Variants in EFCAB5 observed in about 807,000 individuals in gnomAD.
EFCAB5 encodes EF-hand calcium-binding domain-containing protein 5.
Under a neutral mutation model 167.9 loss-of-function variants are expected in EFCAB5, and 131 were observed. That is an observed-to-expected ratio of 0.78 (90% CI 0.68 to 0.90). The LOEUF is 0.90. Among genes scored for constraint, EFCAB5 ranks in the 40% least tolerant of loss-of-function variants. The pLI, the probability that EFCAB5 is intolerant of heterozygous loss-of-function variation, is 0.00. For missense variants in EFCAB5, 1,663 were observed against 1,745.2 expected (o/e 0.95, Z 0.84); for synonymous variants, 574 against 602.8 (o/e 0.95, Z 0.70).
upstream of EFCAB5, among the ~76,000 whole-genome samples, chr17:29,940,971 C>T (rs1222554611): frequency 1.3e-5 from 2 of 151,272 alleles, no homozygotes; most frequent in African/African-American, 2.4e-5. Context: ...ACCCAGGAGG[C>T]GGAGGTTGCA....
In EFCAB5 at chr17:29,993,211, G is replaced by A; in HGVS notation, c.814G>A (p.Glu272Lys). Residue 272 changes from glutamate (E) to lysine (K), a missense_variant, in exon 5 of 23, where the codon GAA (glutamate) becomes AAA (lysine). Glu to Lys is a moderately conservative substitution (Grantham distance 56). Transcript: ENST00000394835. ...ENVKQNRKQR[E>K]SIDKIIVKVA... ...TGTTAAACAGAATAGAAAACAAAGAGAAAGCATAGACAAAATCATAGTCAA... is the reference window on the plus strand; with the variant it reads ...TGTTAAACAGAATAGAAAACAAAGAAAAAGCATAGACAAAATCATAGTCAA... 1.2e-6 allele frequency: 2 copies of A among 1,613,300 alleles called. No individual in the cohort carries two copies. The highest frequency in any genetic ancestry group is 1.7e-6 in the Non-Finnish European group (2 of 1,179,558).
At chr17:29,967,634 C>T (rs927874267) in intron 3 of EFCAB5, among the ~76,000 whole-genome samples, 1 of 152,118 alleles carries the variant, frequency 6.6e-6, no homozygotes, top group African/African-American at 2.4e-5. Context: ...CTGAAGGCCC[C>T]CTTCATGATT....
At chr17:30,070,565 T>C (rs2070705739) in intron 14 of EFCAB5, among the ~76,000 whole-genome samples, 1 of 152,110 alleles carries the variant, frequency 6.6e-6, no homozygotes, top group Non-Finnish European at 1.5e-5. Context: ...TCAACAAAGG[T>C]ACCAAGAACA....
At chr17:30,086,183 C>T (rs991615444) in intron 18 of EFCAB5, among the ~76,000 whole-genome samples, 2 of 151,918 alleles carry the variant, frequency 1.3e-5, no homozygotes, top group Non-Finnish European at 2.9e-5. Context: ...TTCATAAAAA[C>T]CCCTCTTTAC....
At position 29,970,651 on chromosome 17, in the gene EFCAB5, CACACACACACACACACAT is replaced by C. The variant is rs1270727339; in HGVS notation, c.767+1302_767+1319del. On this transcript the variant is annotated intron_variant, in intron 4 of 22. Transcript: ENST00000394835. Reference sequence around the variant, plus strand: ...TCTCAAAAACAGACACACACACACACACACACACACACACACATACACACACACACACACACACACACC... The same window carrying C: ...TCTCAAAAACAGACACACACACACACACACACACACACACACACACACACC... Among the ~76,000 whole-genome samples the C allele has an allele frequency of 1.1e-3, 164 of 145,244 alleles. 1 individual carries two copies. The highest frequency in any genetic ancestry group is 4.1e-3 in the African/African-American group (151 of 36,846).
chr17:30,019,835 T>G (rs2069132541), intron 7 of EFCAB5, among the ~76,000 whole-genome samples: 1 of 152,188 alleles, frequency 6.6e-6, no homozygotes, highest in Non-Finnish European at 1.5e-5. Context: ...GTGCTTTTGT[T>G]CTTCATCTAT....
intron 7 of EFCAB5, among the ~76,000 whole-genome samples, chr17:30,011,193 T>C (rs1409898305): frequency 6.6e-6 from 1 of 152,238 alleles, no homozygotes; most frequent in Non-Finnish European, 1.5e-5. Flanking sequence ...TACCATGCTG[T>C]TTTGCTTACT....
Position 30,087,050 on chromosome 17 carries a change from T to C in EFCAB5, c.3580-13T>C. On this transcript the variant is annotated splice_polypyrimidine_tract_variant and intron_variant, in intron 18 of 22. Coordinates refer to ENST00000394835, the MANE Select transcript of EFCAB5 (RefSeq NM_198529.4). ...TCTAATTACTCCTAATGAAATGCCT[T>C]CCTCTTTTCAAGGATTCAGACTATG... The C allele has an allele frequency of 6.2e-6, 10 of 1,611,856 alleles. No homozygotes were observed. Among genetic ancestry groups the C allele is most frequent in the Non-Finnish European group, 8.5e-6 (10 of 1,178,312 alleles).
At chr17:29,985,274 G>T (rs976999380) in intron 4 of EFCAB5, among the ~76,000 whole-genome samples, 1 of 152,322 alleles carries the variant, frequency 6.6e-6, no homozygotes, top group South Asian at 2.1e-4. Context: ...ACTTTGGCTA[G>T]ATAAAGGCAA....
chr17:29,988,825 GAAAAAGTCACTCTAC>G (rs976749129), intron 4 of EFCAB5, among the ~76,000 whole-genome samples: 1 of 152,164 alleles, frequency 6.6e-6, no homozygotes, highest in Non-Finnish European at 1.5e-5. Flanking sequence ...GTATGTGGAA[GAAAAAGTCACTCTAC>G]AAGATCTTGC....
At chr17:30,083,829 C>T (rs1485493408) in intron 18 of EFCAB5, among the ~76,000 whole-genome samples, 2 of 152,192 alleles carry the variant, frequency 1.3e-5, no homozygotes, top group Non-Finnish European at 2.9e-5. Context: ...GGGCAACACT[C>T]ACCAGAATCA....
intron 22 of EFCAB5, among the ~76,000 whole-genome samples, chr17:30,106,723 C>T (rs2071454092): frequency 6.6e-6 from 1 of 152,182 alleles, no homozygotes; most frequent in Non-Finnish European, 1.5e-5. Context: ...TCCCAATGTG[C>T]TGGGATTACA....
intron 1 of EFCAB5, among the ~76,000 whole-genome samples, chr17:29,931,573 A>C (rs2067195712): frequency 6.6e-6 from 1 of 152,154 alleles, no homozygotes; most frequent in Non-Finnish European, 1.5e-5. Context: ...GACAAAATTA[A>C]ACAAAGATGT....
At chr17:30,090,214 G>A (rs2071167754) in intron 19 of EFCAB5, among the ~76,000 whole-genome samples, 1 of 152,208 alleles carries the variant, frequency 6.6e-6, no homozygotes, top group African/African-American at 2.4e-5. Context: ...CTTCTCTGCC[G>A]AGGGGATGTT....
chr17:30,086,617 G>T (rs1249205476), intron 18 of EFCAB5, among the ~76,000 whole-genome samples: 2 of 152,058 alleles, frequency 1.3e-5, no homozygotes, highest in African/African-American at 4.8e-5. Flanking sequence ...CCGGGGCCGG[G>T]TGTGGTGGCT....
chr17:29,991,371 G>T (rs1482316680), intron 4 of EFCAB5, among the ~76,000 whole-genome samples: 1 of 152,192 alleles, frequency 6.6e-6, no homozygotes, highest in Non-Finnish European at 1.5e-5. Flanking sequence ...ACAGCCTTCA[G>T]AGCTGAGAGC....
At chr17:30,048,840 G>A (rs1038797889) in intron 8 of EFCAB5, among the ~76,000 whole-genome samples, 1 of 152,078 alleles carries the variant, frequency 6.6e-6, no homozygotes, top group Non-Finnish European at 1.5e-5. Context: ...GCTATTCCAG[G>A]TGTGGAATCT....
intron 14 of EFCAB5, among the ~76,000 whole-genome samples, chr17:30,066,021 A>G (rs1036364674): frequency 1.3e-5 from 2 of 152,224 alleles, no homozygotes; most frequent in Non-Finnish European, 2.9e-5. Flanking sequence ...TCAACACCTT[A>G]CTCTCAGCAT....
chr17:29,951,812 C>A (rs2067518635), intron 3 of EFCAB5, among the ~76,000 whole-genome samples: 1 of 152,176 alleles, frequency 6.6e-6, no homozygotes, highest in African/African-American at 2.4e-5. Context: ...GAAACTCCCT[C>A]TTGGGACCCT....
Sources: allele counts gnomAD v4.1 joint callset (sites outside exome capture counted in the v4.1 genomes callset), GRCh38; gene constraint gnomAD v4.1.1; transcripts MANE v1.5; gene names NCBI Gene and HGNC (gene_info 2026-07-23, HGNC 2026-07-21).